The following KIF27 variants were observed in gnomAD, a reference collection of about 807,000 sequenced individuals.
The protein encoded by KIF27 is kinesin-like protein KIF27.
A neutral mutation model predicts 141.8 loss-of-function variants in KIF27; 84 were observed. The observed-to-expected ratio is 0.59, with a 90% CI of 0.50 to 0.71. The LOEUF (loss-of-function observed/expected upper bound fraction) is 0.71, where lower values mean the gene tolerates loss of function less well. Among genes scored for constraint, KIF27 ranks in the 30% least tolerant of loss-of-function variants. The pLI, the probability that KIF27 is intolerant of heterozygous loss-of-function variation, is 0.00. For missense variants in KIF27, 1,306 were observed against 1,628.4 expected, an observed-to-expected ratio of 0.80 and a Z score of 3.41; for synonymous variants, 471 against 569.5, an observed-to-expected ratio of 0.83 and a Z score of 2.46.
chr9:83,866,600 G>A (rs1950369033), intron 13 of KIF27, among the ~76,000 whole-genome samples: 1 of 151,940 alleles, frequency 6.6e-6, no homozygotes, highest in South Asian at 2.1e-4. Context: ...ACTCAAGGCC[G>A]GGCATGGTGG....
intron 13 of KIF27, among the ~76,000 whole-genome samples, chr9:83,861,937 G>A (rs1158979207): frequency 6.6e-6 from 1 of 152,114 alleles, no homozygotes; most frequent in African/African-American, 2.4e-5. Context: ...CAGTGATGAT[G>A]AGCATTTTTT....
intron 11 of KIF27, among the ~76,000 whole-genome samples, chr9:83,874,792 G>A (rs566019508): frequency 6.7e-6 from 1 of 150,140 alleles, no homozygotes; most frequent in African/African-American, 2.5e-5. Flanking sequence ...AAGTGTGTGA[G>A]GTACGCTGGC....
Position 83,903,469 on chromosome 9 carries a change from C to G in KIF27, c.1049G>C (p.Ser350Thr). 6.2e-7 allele frequency: 1 copy of G among 1,614,120 alleles called. No individual in the cohort carries two copies. Among genetic ancestry groups the G allele is most frequent in the Non-Finnish European group, 8.5e-7 (1 of 1,180,014 alleles). The change falls in exon 4 of 18, where the codon AGC (serine) becomes ACC (threonine). Residue 350 changes from serine (S) to threonine (T), a missense_variant. Ser to Thr is a moderately conservative substitution (Grantham distance 58). Coordinates refer to ENST00000297814, the MANE Select transcript of KIF27 (RefSeq NM_017576.4). ...NIRNKPTVNF[S>T]PESDRIDEME... ...TTCATCTATACGGTCTGACTCGGGG[C>G]TGAAGTTTACAGTGGGTTTGTTTCT...
chr9:83,915,989 T>C (rs757652311), intron 1 of KIF27, among the ~76,000 whole-genome samples: 1 of 152,156 alleles, frequency 6.6e-6, no homozygotes, highest in African/African-American at 2.4e-5. Flanking sequence ...AATCTAAATA[T>C]TAAATAACCA....
intron 12 of KIF27, 32 bp downstream of exon 12, chr9:83,870,487 A>C: frequency 1.2e-6 from 2 of 1,612,126 alleles, no homozygotes; most frequent in Non-Finnish European, 1.7e-6. Flanking sequence ...GATTGAAGAG[A>C]AACCAGGAAA....
At chr9:83,842,121 G>A in intron 17 of KIF27, 116 bp downstream of exon 17, 1 of 1,213,078 alleles carries the variant, frequency 8.2e-7, no homozygotes, top group South Asian at 2.4e-5. Flanking sequence ...GAGACAAATA[G>A]AAGTATCTAA....
chr9:83,896,111 C>T (rs1348203072), intron 5 of KIF27, among the ~76,000 whole-genome samples: 6 of 148,654 alleles, frequency 4.0e-5, no homozygotes, highest in Admixed American at 2.0e-4. Flanking sequence ...GGCATGGCAG[C>T]GGGTGCCTGT....
intron 12 of KIF27, among the ~76,000 whole-genome samples, chr9:83,870,137 A>ATCTC (rs992322701): frequency 1.4e-5 from 2 of 145,420 alleles, no homozygotes; most frequent in Non-Finnish European, 3.1e-5. Context: ...ACATCTATCT[A>ATCTC]TCTCTCTATC....
chr9:83,872,484 G>C (rs1950879634), intron 11 of KIF27, among the ~76,000 whole-genome samples: 1 of 152,160 alleles, frequency 6.6e-6, no homozygotes, highest in Admixed American at 6.5e-5. Context: ...GTACACAATT[G>C]AAAGTGCTGA....
At chr9:83,839,164 C>G (rs1204841259) in intron 17 of KIF27, among the ~76,000 whole-genome samples, 1 of 151,426 alleles carries the variant, frequency 6.6e-6, no homozygotes, top group Non-Finnish European at 1.5e-5. Flanking sequence ...GACCCCAACT[C>G]TAAAAAAAAA....
intron 16 of KIF27, among the ~76,000 whole-genome samples, chr9:83,848,411 G>T (rs1587945939): frequency 2.3e-5 from 3 of 130,492 alleles, no homozygotes; most frequent in Admixed American, 8.2e-5. Flanking sequence ...ATGCATATAT[G>T]ATATATATGT....
intron 2 of KIF27, among the ~76,000 whole-genome samples, chr9:83,912,993 C>CA (rs1271535214): frequency 2.0e-5 from 3 of 148,076 alleles, no homozygotes; most frequent in Non-Finnish European, 4.5e-5. Flanking sequence ...CCTGTCTCTG[C>CA]AAAAAATTAA....
At chr9:83,851,277 GA>G (rs1399208553) in intron 15 of KIF27, among the ~76,000 whole-genome samples, 1 of 152,180 alleles carries the variant, frequency 6.6e-6, no homozygotes, top group African/African-American at 2.4e-5. Context: ...AAAGATTCTT[GA>G]AACATCTAGA....
chr9:83,846,619 G>C (rs1023124273), intron 16 of KIF27, among the ~76,000 whole-genome samples: 20 of 152,108 alleles, frequency 1.3e-4, no homozygotes, highest in African/African-American at 4.8e-4. Context: ...TCCAGTATAT[G>C]GTACTGTTTC....
intron 16 of KIF27, among the ~76,000 whole-genome samples, chr9:83,848,146 C>CTGATATATCATATA: frequency 2.2e-5 from 1 of 44,756 alleles, no homozygotes; most frequent in South Asian, 5.6e-4. Context: ...TATGATATAT[C>CTGATATATCATATA]TGATATATCA....
chr9:83,888,463 T>C (rs369667256), intron 8 of KIF27, 26 bp downstream of exon 8: 2 of 1,132,562 alleles, frequency 1.8e-6, no homozygotes, highest in Admixed American at 2.1e-5. Flanking sequence ...CCATTAGGTC[T>C]ACATTATTTA....
intron 13 of KIF27, among the ~76,000 whole-genome samples, chr9:83,866,158 T>A (rs1950337021): frequency 6.6e-6 from 1 of 152,116 alleles, no homozygotes; most frequent in African/African-American, 2.4e-5. Flanking sequence ...CCTGTTTTCA[T>A]CTTTATGCTA....
chr9:83,895,042 G>A (rs1395651997), intron 5 of KIF27, among the ~76,000 whole-genome samples: 6 of 150,732 alleles, frequency 4.0e-5, no homozygotes, highest in East Asian at 3.9e-4. Flanking sequence ...TCAGGAGATC[G>A]AGACCAAGAC....
In KIF27 at chr9:83,837,057, A is replaced by G; in HGVS notation, c.4150T>C (p.Ser1384Pro). 5 of 1,613,962 alleles carry G rather than the reference A, an allele frequency of 3.1e-6. No homozygotes were observed. Among genetic ancestry groups the G allele is most frequent in the Non-Finnish European group, 4.2e-6 (5 of 1,179,864 alleles). Residue 1384 changes from serine to proline, a missense_variant, in exon 18 of 18, where the codon TCA (serine) becomes CCA (proline). This residue lies in a region of KIF27 where 148 missense variants were observed against 250.9 expected (regional missense o/e 0.59). Coordinates refer to ENST00000297814, the MANE Select transcript of KIF27 (RefSeq NM_017576.4). ...ACTTCGATGGAATCAGCAGCCATTG[A>G]TCCAATGCCAACTCCAAGACTGGAA... Reference protein sequence around the residue: ...RRSSLGVGIGSMAADSIEVSR... With the variant: ...RRSSLGVGIGPMAADSIEVSR...
Sources: gnomAD v4.1 joint callset for allele counts (sites outside exome capture counted in the v4.1 genomes callset) on GRCh38, gnomAD v4.1.1 for gene constraint, gnomAD v4.1.1 regional missense constraint, MANE v1.5 for transcripts, NCBI Gene and HGNC (gene_info 2026-07-23, HGNC 2026-07-21) for gene names.